MRPL3: variants seen among roughly 807,000 people sequenced by gnomAD.
MRPL3 encodes mitochondrial ribosomal protein L3.
A neutral mutation model predicts 44.3 loss-of-function variants in MRPL3; 43 were observed. The observed-to-expected ratio is 0.97, with a 90% confidence interval of 0.76 to 1.25. The LOEUF (loss-of-function observed/expected upper bound fraction) is 1.25, where lower values mean the gene tolerates loss of function less well. Ranked by LOEUF, MRPL3 falls within the 50% of genes most tolerant of loss-of-function variation. The probability of loss-of-function intolerance (pLI) is 0.00; values close to 1 mark genes in which losing one functional copy is unlikely to be tolerated. For missense variants in MRPL3, 406 were observed against 427.6 expected, an observed-to-expected ratio of 0.95 and a Z score of 0.45; for synonymous variants, 171 against 152.3, an observed-to-expected ratio of 1.12 and a Z score of -0.91.
intron 4 of MRPL3, among the ~76,000 whole-genome samples, chr3:131,497,390 T>G (rs1446314718): frequency 4.6e-5 from 7 of 152,220 alleles, no homozygotes; most frequent in South Asian, 4.1e-4. Context: ...GAGTAGTTAG[T>G]AGGATAAACA....
In MRPL3 at chr3:131,489,962, C is replaced by T. The variant is rs777722281; in HGVS notation, c.568+19G>A. On this transcript the variant is annotated intron_variant, in intron 5 of 9. Transcript: ENST00000264995. ...ATTTGGGTATTTTTACCTCCCTCCT[C>T]TCCCCAACCTCAAATTACCTGGTTT... 2.0e-6 allele frequency: 3 copies of T among 1,521,382 alleles called. No homozygotes were observed. Among genetic ancestry groups the T allele is most frequent in the Non-Finnish European group, 2.7e-6 (3 of 1,098,348 alleles). The allele number at this position is 1,521,382 out of a possible 1,614,324, so 94.2% of individuals were successfully genotyped here. A position where few individuals can be genotyped will look rare whatever the true frequency, so the allele number is the denominator to read the frequency against.
At chr3:131,466,878 T>C (rs1933620781) in intron 9 of MRPL3, among the ~76,000 whole-genome samples, 2 of 152,052 alleles carry the variant, frequency 1.3e-5, no homozygotes, top group African/African-American at 4.8e-5. Context: ...CTACCTATAT[T>C]GAAATATACC....
chr3:131,471,381 T>A, intron 6 of MRPL3, 102 bp from the exon 7 acceptor site: 1 of 765,954 alleles, frequency 1.3e-6, no homozygotes, highest in Non-Finnish European at 2.2e-6. Flanking sequence ...GTTAGAGTTT[T>A]AACAAAGCTT....
rs748064666 is a variant in MRPL3 at position 131,501,728 on chromosome 3, A to C, written c.93-13T>G. 1 of 1,595,488 alleles carries C rather than the reference A, an allele frequency of 6.3e-7. No homozygotes were observed. Among genetic ancestry groups the C allele is most frequent in the Non-Finnish European group, 8.5e-7 (1 of 1,173,808 alleles). ...CCAGATGTGTGTTCTATAAAAAGAA[A>C]AAATAAATAAAACCAAACCACAATT... is the stretch of plus-strand genomic sequence containing the variant. On this transcript the variant is annotated splice_polypyrimidine_tract_variant and intron_variant, in intron 1 of 9. Transcript: ENST00000264995.
rs547040634 is a variant in MRPL3 at position 131,500,306 on chromosome 3, C to T, written c.369+124G>A. ...TAAGTTCTTTAATACTATTTATGTT[C>T]AACATCACCCCTTTCTTCACCATAC... is the stretch of plus-strand genomic sequence containing the variant. On this transcript the variant is annotated intron_variant, in intron 3 of 9. Coordinates refer to ENST00000264995, the MANE Select transcript of MRPL3 (RefSeq NM_007208.4). 1.5e-5 allele frequency: 11 copies of T among 723,900 alleles called. No homozygotes were observed. In the African/African-American group the frequency reaches 1.8e-4, roughly 12 times the overall value. The allele number at this position is 723,900 out of a possible 1,614,324, so 44.8% of individuals were successfully genotyped here.
At chr3:131,481,558 A>G (rs1933987009) in intron 6 of MRPL3, among the ~76,000 whole-genome samples, 1 of 152,234 alleles carries the variant, frequency 6.6e-6, no homozygotes, top group African/African-American at 2.4e-5. Context: ...CCATGCTTTT[A>G]GCCACCACCT....
At chr3:131,466,434 A>G (rs1933602221) in intron 9 of MRPL3, among the ~76,000 whole-genome samples, 2 of 152,096 alleles carry the variant, frequency 1.3e-5, no homozygotes. Context: ...TTTATTTTCT[A>G]TTTTATGGAA....
rs562102997 is a variant in MRPL3, at chr3:131,501,042, T to C, written c.277+489A>G. 2.0e-5 allele frequency among the ~76,000 whole-genome samples: 3 copies of C among 152,336 alleles called. No individual in the cohort carries two copies. The South Asian group carries it at 6.2e-4, about 32-fold the overall frequency. Reference sequence around the variant, plus strand: ...TAACTATCCAATTCGACTGTCACAATAAACCCTAACCAGGGACCACACACT... The same window carrying C: ...TAACTATCCAATTCGACTGTCACAACAAACCCTAACCAGGGACCACACACT... On this transcript the variant is annotated intron_variant, in intron 2 of 9. Coordinates refer to ENST00000264995, the MANE Select transcript of MRPL3 (RefSeq NM_007208.4).
intron 5 of MRPL3, among the ~76,000 whole-genome samples, 184 bp downstream of exon 5, chr3:131,489,797 C>T (rs1358818513): frequency 1.4e-5 from 2 of 145,116 alleles, no homozygotes; most frequent in Admixed American, 6.9e-5. Context: ...TCACAGAAAG[C>T]AAAGAGTTAT....
intron 6 of MRPL3, among the ~76,000 whole-genome samples, chr3:131,472,662 T>C (rs918588408): frequency 2.0e-5 from 3 of 152,104 alleles, no homozygotes; most frequent in African/African-American, 7.2e-5. Context: ...GCAGATGATA[T>C]ATCATATATA....
In MRPL3 at chr3:131,501,522, A is replaced by G; in HGVS notation, c.277+9T>C. ...GGAAATGAGAGCTCATCAAATACAA[A>G]ATAATCACCTGGTTCCCAAGGATGT... On this transcript the variant is annotated intron_variant, in intron 2 of 9. Coordinates refer to ENST00000264995, the MANE Select transcript of MRPL3 (RefSeq NM_007208.4). 7 of 1,606,784 alleles carry G rather than the reference A, an allele frequency of 4.4e-6. No individual in the cohort carries two copies. The highest frequency in any genetic ancestry group is 5.9e-6 in the Non-Finnish European group (7 of 1,176,526).
rs773555950 is a variant in MRPL3, at chr3:131,502,832, G to GGGAAGACTCGACTCACGACTTCC, written c.-34_-12dup. The GGGAAGACTCGACTCACGACTTCC allele has an allele frequency of 2.9e-5, 46 of 1,610,488 alleles. No individual in the cohort carries two copies. Among genetic ancestry groups the GGGAAGACTCGACTCACGACTTCC allele is most frequent in the Non-Finnish European group, 3.4e-5 (40 of 1,178,894 alleles). On this transcript the variant is annotated 5_prime_UTR_variant, in exon 1 of 10. Coordinates refer to ENST00000264995, the MANE Select transcript of MRPL3 (RefSeq NM_007208.4). ...CCTCCAACCCGGCATGGATTAGCCC[G>GGGAAGACTCGACTCACGACTTCC]GGAAGACTCGACTCACGACTTCCGG...
chr3:131,474,037 C>A (rs1933798614), intron 6 of MRPL3, among the ~76,000 whole-genome samples: 1 of 152,096 alleles, frequency 6.6e-6, no homozygotes, highest in South Asian at 2.1e-4. Flanking sequence ...ACCATATGAT[C>A]CAGCAATCCC....
Position 131,462,965 on chromosome 3 carries a change from T to C in MRPL3, c.895-90A>G. 5.5e-6 allele frequency: 6 copies of C among 1,082,452 alleles called. No individual in the cohort carries two copies. The South Asian group carries it at 8.5e-5, about 15-fold the overall frequency. The allele number at this position is 1,082,452 out of a possible 1,614,324, so 67.1% of individuals were successfully genotyped here. A position where few individuals can be genotyped will look rare whatever the true frequency, so the allele number is the denominator to read the frequency against. On this transcript the variant is annotated intron_variant, in intron 9 of 9. Coordinates refer to ENST00000264995, the MANE Select transcript of MRPL3 (RefSeq NM_007208.4). ...TATTCATAATCAAAGAAATACTCGC[T>C]ACTACATTTTCTAATGTGAATAACA... is the stretch of plus-strand genomic sequence containing the variant.
In MRPL3 at chr3:131,500,524, G is replaced by A. The variant is rs1244431826; in HGVS notation, c.278-3C>T. 1.9e-6 allele frequency: 3 copies of A among 1,612,522 alleles called. No homozygotes were observed. Among genetic ancestry groups the A allele is most frequent in the East Asian group, 2.2e-5 (1 of 44,840 alleles). On this transcript the variant is annotated splice_polypyrimidine_tract_variant and splice_region_variant and intron_variant, in intron 2 of 9. Transcript: ENST00000264995. Reference sequence around the variant, plus strand: ...AATAAGACCAACTCTAAAGGAACCTGGCAATTAAAACCAAAGCAATGTGAA... The same window carrying A: ...AATAAGACCAACTCTAAAGGAACCTAGCAATTAAAACCAAAGCAATGTGAA...
intron 6 of MRPL3, among the ~76,000 whole-genome samples, chr3:131,478,664 A>C (rs1187740624): frequency 6.6e-6 from 1 of 151,840 alleles, no homozygotes; most frequent in East Asian, 1.9e-4. Flanking sequence ...ATGAAAAAAC[A>C]ACCAAGTATT....
At chr3:131,469,888 A>G (rs1302598893) in intron 7 of MRPL3, 115 bp from the exon 8 acceptor site, 3 of 644,678 alleles carry the variant, frequency 4.7e-6, no homozygotes, top group Non-Finnish European at 7.6e-6. Flanking sequence ...TTTTTCCCCT[A>G]TTCTGCTAGG....
chr3:131,488,972 G>A (rs545647303), intron 5 of MRPL3, among the ~76,000 whole-genome samples: 2 of 151,998 alleles, frequency 1.3e-5, no homozygotes, highest in African/African-American at 4.8e-5. Flanking sequence ...GCTGATTTTT[G>A]ACCATTTTTG....
Position 131,478,756 on chromosome 3 carries a change from T to C in MRPL3, c.630-7477A>G, listed in dbSNP as rs535818831. Among the ~76,000 whole-genome samples the C allele has an allele frequency of 2.0e-4, 30 of 149,820 alleles. 2 individuals are homozygous for C. The South Asian group carries it at 5.9e-3, about 29-fold the overall frequency. On this transcript the variant is annotated intron_variant, in intron 6 of 9. Transcript: ENST00000264995. The stretch of plus-strand genomic sequence containing the variant: ...CAGACTCTCGCTCTGTTTACCAGGC[T>C]GGAGTATAGCGGTGTGATCTTGGCT...
Sources: gnomAD v4.1 joint callset for allele counts (sites outside exome capture counted in the v4.1 genomes callset) on GRCh38, gnomAD v4.1.1 for gene constraint, MANE v1.5 for transcripts, NCBI Gene and HGNC (gene_info 2026-07-23, HGNC 2026-07-21) for gene names.